Variants in KLF12 observed in about 807,000 individuals in gnomAD.
KLF12 encodes KLF transcription factor 12.
Under a neutral mutation model 37.8 loss-of-function variants are expected in KLF12, and 9 were observed. The observed-to-expected ratio is 0.24, with a 90% CI of 0.14 to 0.42. The LOEUF is 0.42. KLF12 is among the 10% of genes least tolerant of loss of function. The probability of loss-of-function intolerance (pLI) is 1.00; values close to 1 mark genes in which losing one functional copy is unlikely to be tolerated. For synonymous variants in KLF12, 208 were observed against 202.1 expected (o/e 1.03, Z -0.25); for missense variants, 411 against 516.0 (o/e 0.80, Z 1.97).
intron 5 of KLF12, among the ~76,000 whole-genome samples, chr13:73,783,969 G>T (rs1235352596): frequency 1.3e-5 from 2 of 152,088 alleles, no homozygotes; most frequent in African/African-American, 4.8e-5. Context: ...CAAGTCCACA[G>T]AACGCTGCTC....
chr13:74,116,963 TA>T lies in KLF12; in HGVS notation c.-32+16775del, dbSNP rs144301536. Among the ~76,000 whole-genome samples the T allele has an allele frequency of 8.1e-3, 1,231 of 152,220 alleles. 24 individuals are homozygous for T. The highest frequency in any genetic ancestry group is 0.029 in the African/African-American group (1,190 of 41,518). On this transcript the variant is annotated intron_variant, in intron 1 of 7. Coordinates refer to ENST00000377669, the MANE Select transcript of KLF12 (RefSeq NM_007249.5). ...TCAATCAACTTGCTGCAAGATTTGG[TA>T]AAAAATCTATTTTCTCTACTCTTAT...
At chr13:74,094,548 T>C (rs772985467) in intron 1 of KLF12, among the ~76,000 whole-genome samples, 7 of 151,852 alleles carry the variant, frequency 4.6e-5, no homozygotes, top group Non-Finnish European at 8.8e-5. Flanking sequence ...GCCTGGCACA[T>C]AGGAGGTAGT....
intron 4 of KLF12, among the ~76,000 whole-genome samples, chr13:73,816,498 GTTTCATTCCA>G (rs1594124950): frequency 6.6e-6 from 1 of 152,216 alleles, no homozygotes; most frequent in African/African-American, 2.4e-5. Context: ...TCCTACGTGA[GTTTCATTCCA>G]TGTGTCAAAA....
chr13:73,713,323 A>G (rs1387919468), intron 7 of KLF12, among the ~76,000 whole-genome samples: 1 of 152,184 alleles, frequency 6.6e-6, no homozygotes, highest in African/African-American at 2.4e-5. Context: ...TGTGTTGCAG[A>G]AGAATATGCG....
chr13:74,172,142 G>GAC, the KLF12 span, among the ~76,000 whole-genome samples: 1,997 of 146,054 alleles, frequency 0.014, 27 homozygotes, highest in African/African-American at 0.027. Context: ...TTTTCCTCAC[G>GAC]ACACACACAC....
chr13:74,210,050 T>G, the KLF12 span, among the ~76,000 whole-genome samples: 1 of 152,330 alleles, frequency 6.6e-6, no homozygotes, highest in Middle Eastern at 3.4e-3. Context: ...ATTTTTTATA[T>G]CATTACTTTG....
intron 1 of KLF12, among the ~76,000 whole-genome samples, chr13:74,005,368 T>C (rs1892384226): frequency 6.6e-6 from 1 of 152,188 alleles, no homozygotes; most frequent in Admixed American, 6.5e-5. Flanking sequence ...CTTTACATAA[T>C]TATACATAAA....
intron 3 of KLF12, among the ~76,000 whole-genome samples, chr13:73,917,494 T>C (rs1888904536): frequency 6.6e-6 from 1 of 152,242 alleles, no homozygotes; most frequent in Non-Finnish European, 1.5e-5. Context: ...ACATATATGA[T>C]GGCAACATAG....
At chr13:73,941,878 G>A (rs1167961810) in intron 3 of KLF12, among the ~76,000 whole-genome samples, 2 of 152,118 alleles carry the variant, frequency 1.3e-5, no homozygotes, top group South Asian at 2.1e-4. Flanking sequence ...CCTCCAACAT[G>A]CAGAATCTAA....
intron 3 of KLF12, among the ~76,000 whole-genome samples, chr13:73,898,107 A>AGGCAT (rs1391575306): frequency 3.3e-5 from 5 of 152,130 alleles, no homozygotes; most frequent in Admixed American, 3.3e-4. Flanking sequence ...CATAGATTTC[A>AGGCAT]CTTCCTCTAG....
chr13:74,074,772 A>G (rs183681142), intron 1 of KLF12, among the ~76,000 whole-genome samples: 2 of 152,336 alleles, frequency 1.3e-5, no homozygotes, highest in African/African-American at 4.8e-5. Flanking sequence ...TACCTGTCTT[A>G]ACCAACTACA....
the KLF12 span, among the ~76,000 whole-genome samples, chr13:74,242,940 G>A: frequency 6.6e-6 from 1 of 152,174 alleles, no homozygotes; most frequent in Non-Finnish European, 1.5e-5. Flanking sequence ...GGCAGTGAGA[G>A]CACTTTTCTT....
At chr13:74,205,716 A>G in the KLF12 span, among the ~76,000 whole-genome samples, 3 of 152,164 alleles carry the variant, frequency 2.0e-5, no homozygotes, top group Non-Finnish European at 4.4e-5. Flanking sequence ...TGAAGAGTCA[A>G]CCGAAACAAA....
intron 1 of KLF12, among the ~76,000 whole-genome samples, chr13:74,100,691 C>T (rs1189532929): frequency 6.6e-6 from 1 of 152,088 alleles, no homozygotes; most frequent in African/African-American, 2.4e-5. Context: ...GACATAAACA[C>T]TGCTATAAGT....
At chr13:73,823,489 T>A (rs1163462134) in intron 4 of KLF12, among the ~76,000 whole-genome samples, 1 of 152,194 alleles carries the variant, frequency 6.6e-6, no homozygotes, top group Admixed American at 6.5e-5. Context: ...CCAATTAGTA[T>A]GCTCTCCGTG....
In KLF12 at chr13:74,061,870, T is replaced by C. The variant is rs376230821; in HGVS notation, c.-31-66817A>G. Among the ~76,000 whole-genome samples, 5 of 152,270 alleles carry C rather than the reference T, an allele frequency of 3.3e-5. No individual in the cohort carries two copies. In the South Asian group the frequency reaches 1.0e-3, roughly 32 times the overall value. On this transcript the variant is annotated intron_variant, in intron 1 of 7. Coordinates refer to ENST00000377669, the MANE Select transcript of KLF12 (RefSeq NM_007249.5). ...TTCTGAAACTTTTAACTGGAAAAAA[T>C]ATAAAAGTTGTGCCTTTCTAACCAT...
the KLF12 span, among the ~76,000 whole-genome samples, chr13:74,235,737 T>C: frequency 6.6e-6 from 1 of 152,102 alleles, no homozygotes; most frequent in African/African-American, 2.4e-5. Flanking sequence ...AGAAAGTAGA[T>C]TTAAAAAGCC....
At chr13:74,000,172 A>C (rs1892238061) in intron 1 of KLF12, among the ~76,000 whole-genome samples, 2 of 152,206 alleles carry the variant, frequency 1.3e-5, no homozygotes, top group African/African-American at 2.4e-5. Context: ...CCCTACATTT[A>C]TAATCAAGTG....
At chr13:73,696,102 C>T (rs1004744846) in intron 7 of KLF12, among the ~76,000 whole-genome samples, 2 of 149,106 alleles carry the variant, frequency 1.3e-5, no homozygotes, top group Non-Finnish European at 3.0e-5. Context: ...CTGTGCATCA[C>T]TTAGATGGCT....
Sources: gnomAD v4.1 joint callset for allele counts (sites outside exome capture counted in the v4.1 genomes callset) on GRCh38, gnomAD v4.1.1 for gene constraint, MANE v1.5 for transcripts, NCBI Gene and HGNC (gene_info 2026-07-23, HGNC 2026-07-21) for gene names.